LRP1B: variants seen among roughly 807,000 people sequenced by gnomAD.
The protein encoded by LRP1B is low-density lipoprotein receptor-related protein 1B.
LRP1B carries 217 observed loss-of-function variants against 556.6 expected under a neutral mutation model. That is an observed-to-expected ratio of 0.39 (90% CI 0.35 to 0.44). LRP1B has a LOEUF of 0.44. Among genes scored for constraint, LRP1B ranks in the 20% least tolerant of loss-of-function variants. The pLI, the probability that LRP1B is intolerant of heterozygous loss-of-function variation, is 1.00. For synonymous variants in LRP1B, 2,047 were observed against 1,865.8 expected (o/e 1.10, Z -2.50); for missense variants, 5,053 against 5,620.8 (o/e 0.90, Z 3.23).
intron 1 of LRP1B, among the ~76,000 whole-genome samples, chr2:141,963,309 T>C (rs1701459593): frequency 6.6e-6 from 1 of 151,884 alleles, no homozygotes; most frequent in Non-Finnish European, 1.5e-5. Context: ...ATTTCAATTG[T>C]ATGTTTTAAT....
chr2:141,863,975 A>T (rs1698329441), intron 1 of LRP1B, among the ~76,000 whole-genome samples: 1 of 152,328 alleles, frequency 6.6e-6, no homozygotes, highest in East Asian at 1.9e-4. Context: ...ATGTAATCTG[A>T]TGTAAGCATA....
At chr2:140,765,203 T>C (rs1332317126) in intron 35 of LRP1B, among the ~76,000 whole-genome samples, 1 of 152,064 alleles carries the variant, frequency 6.6e-6, no homozygotes, top group African/African-American at 2.4e-5. Context: ...TAACCATCAG[T>C]TGTTGCATCA....
At chr2:140,440,879 A>G (rs547235243) in intron 66 of LRP1B, among the ~76,000 whole-genome samples, 16 of 152,260 alleles carry the variant, frequency 1.1e-4, no homozygotes, top group African/African-American at 3.9e-4. Flanking sequence ...AAGTGTATTT[A>G]TGCTATATCC....
intron 1 of LRP1B, among the ~76,000 whole-genome samples, chr2:142,121,690 G>T (rs890938516): frequency 6.6e-6 from 1 of 151,972 alleles, no homozygotes; most frequent in Non-Finnish European, 1.5e-5. Flanking sequence ...TAGCAAGGAT[G>T]TTATTTATTT....
intron 7 of LRP1B, among the ~76,000 whole-genome samples, chr2:141,068,810 T>G (rs1248162781): frequency 6.6e-6 from 1 of 152,028 alleles, no homozygotes; most frequent in East Asian, 1.9e-4. Context: ...ATAATTTCTT[T>G]TTCATTCCTA....
intron 67 of LRP1B, among the ~76,000 whole-genome samples, chr2:140,381,433 TG>T (rs1338467623): frequency 6.6e-6 from 1 of 152,094 alleles, no homozygotes; most frequent in Non-Finnish European, 1.5e-5. Flanking sequence ...CAAGAGTAGA[TG>T]GGGAACTCTA....
intron 66 of LRP1B, among the ~76,000 whole-genome samples, chr2:140,422,541 A>G (rs1558871443): frequency 2.0e-5 from 3 of 152,208 alleles, no homozygotes; most frequent in Non-Finnish European, 4.4e-5. Context: ...AATATAGCCC[A>G]TGAAGAGAGA....
intron 41 of LRP1B, among the ~76,000 whole-genome samples, chr2:140,608,761 A>G (rs1298817147): frequency 2.6e-5 from 4 of 152,212 alleles, no homozygotes; most frequent in Non-Finnish European, 4.4e-5. Flanking sequence ...ACAACAAAAC[A>G]ATTTGCCCTG....
chr2:141,059,196 T>G (rs998940194), intron 8 of LRP1B, 142 bp from the exon 9 acceptor site: 8 of 543,672 alleles, frequency 1.5e-5, no homozygotes, highest in Middle Eastern at 5.1e-4. Flanking sequence ...CTCAAGGAGT[T>G]CAACATTTCC....
chr2:141,385,649 A>T (rs564038941), intron 3 of LRP1B, among the ~76,000 whole-genome samples: 92 of 152,270 alleles, frequency 6.0e-4, no homozygotes, highest in Non-Finnish European at 5.4e-4. Context: ...ACTCTAGAAG[A>T]CATATTTTTA....
At chr2:141,227,138 T>C (rs1412242786) in intron 6 of LRP1B, among the ~76,000 whole-genome samples, 1 of 152,208 alleles carries the variant, frequency 6.6e-6, no homozygotes, top group Non-Finnish European at 1.5e-5. Context: ...ACAGTCAATA[T>C]GCAATTGCTT....
intron 2 of LRP1B, among the ~76,000 whole-genome samples, chr2:141,727,060 A>T (rs1693066661): frequency 6.6e-6 from 1 of 152,162 alleles, no homozygotes; most frequent in African/African-American, 2.4e-5. Context: ...AAAAAAAATT[A>T]CCCATGCAAA....
chr2:142,032,565 A>G (rs1215267008), intron 1 of LRP1B, among the ~76,000 whole-genome samples: 1 of 151,794 alleles, frequency 6.6e-6, no homozygotes, highest in Non-Finnish European at 1.5e-5. Context: ...ACCAATTTTA[A>G]CCATCATCAT....
intron 43 of LRP1B, among the ~76,000 whole-genome samples, chr2:140,597,050 A>G (rs1682470357): frequency 6.6e-6 from 1 of 152,184 alleles, no homozygotes; most frequent in South Asian, 2.1e-4. Context: ...TTTAAAATGT[A>G]TTGCTCATTT....
At chr2:140,776,267 G>C (rs1241918655) in intron 32 of LRP1B, 29 bp from the exon 33 acceptor site, 1 of 1,460,356 alleles carries the variant, frequency 6.8e-7, no homozygotes, top group Non-Finnish European at 9.3e-7. Flanking sequence ...TTTTTTAAAG[G>C]AAAGTATAAT....
At chr2:140,604,264 C>T (rs1682785637) in intron 41 of LRP1B, among the ~76,000 whole-genome samples, 1 of 151,598 alleles carries the variant, frequency 6.6e-6, no homozygotes, top group South Asian at 2.1e-4. Context: ...CCCTCTTACC[C>T]ACTTTTGAGC....
At chr2:141,028,311 TTCATA>T (rs1698272873) in intron 11 of LRP1B, among the ~76,000 whole-genome samples, 1 of 151,688 alleles carries the variant, frequency 6.6e-6, no homozygotes, top group South Asian at 2.1e-4. Context: ...TAATAACTTA[TTCATA>T]TAAGTATATA....
chr2:141,272,494 G>T (rs1685126659), intron 3 of LRP1B, among the ~76,000 whole-genome samples: 1 of 151,890 alleles, frequency 6.6e-6, no homozygotes, highest in Non-Finnish European at 1.5e-5. Flanking sequence ...AAATGTAAAT[G>T]GATTAAACAC....
At chr2:141,412,407 G>T (rs1690885883) in intron 3 of LRP1B, among the ~76,000 whole-genome samples, 1 of 152,124 alleles carries the variant, frequency 6.6e-6, no homozygotes, top group South Asian at 2.1e-4. Flanking sequence ...TTTTATATAA[G>T]AATTATTCTT....
Sources: gnomAD v4.1 joint callset for allele counts (sites outside exome capture counted in the v4.1 genomes callset) on GRCh38, gnomAD v4.1.1 for gene constraint, MANE v1.5 for transcripts, NCBI Gene and HGNC (gene_info 2026-07-23, HGNC 2026-07-21) for gene names.